TUBA1C: variants seen among roughly 807,000 people sequenced by gnomAD.
TUBA1C encodes tubulin alpha 1c, also known as tubulin alpha-1C chain.
A neutral mutation model predicts 34.9 loss-of-function variants in TUBA1C; 16 were observed. The observed-to-expected ratio is 0.46, with a 90% CI of 0.31 to 0.70. The LOEUF (loss-of-function observed/expected upper bound fraction) is 0.70. Among genes scored for constraint, TUBA1C ranks in the 30% least tolerant of loss-of-function variants. TUBA1C has a pLI of 0.05. For synonymous variants in TUBA1C, 177 were observed against 215.9 expected (o/e 0.82, Z 1.58); for missense variants, 329 against 587.3 (o/e 0.56, Z 4.55).
rs746160783 is a variant in TUBA1C, at chr12:49,273,200, C to T, written c.1323C>T (p.Asp441=). The change falls in exon 4 of 4, where the codon GAC becomes GAT. Residue 441 remains aspartate, a synonymous_variant. Transcript: ENST00000301072. ...AGGAGGTTGGAGCAGATAGTGCTGA[C>T]GGAGAGGATGAGGGTGAAGAGTATT... is the stretch of plus-strand genomic sequence containing the variant. The part of the protein sequence containing the change: ...DYEEVGADSA[D]GEDEGEEY The T allele has an allele frequency of 3.0e-5, 48 of 1,614,062 alleles. No homozygotes were observed. Among genetic ancestry groups the T allele is most frequent in the African/African-American group, 5.3e-5 (4 of 74,918 alleles).
intron 1 of TUBA1C, among the ~76,000 whole-genome samples, chr12:49,251,280 T>A (rs921753518): frequency 2.6e-5 from 4 of 152,172 alleles, no homozygotes; most frequent in African/African-American, 7.2e-5. Context: ...GTAAATTCCA[T>A]TAAATATTTA....
rs141934576 is a variant in TUBA1C, at chr12:49,237,096, A to G, written c.213+8930A>G. On this transcript the variant is annotated intron_variant, in intron 1 of 3. Transcript: ENST00000541364. ...ATATGGGTGCTTGAAGAAGATACTCAGACAACTAACAAAACGAGATGAGAA... is the reference window on the plus strand; with the variant it reads ...ATATGGGTGCTTGAAGAAGATACTCGGACAACTAACAAAACGAGATGAGAA... Among the ~76,000 whole-genome samples the G allele has an allele frequency of 4.8e-3, 738 of 152,314 alleles. 3 individuals carry two copies. Among genetic ancestry groups the G allele is most frequent in the African/African-American group, 0.017 (707 of 41,580 alleles).
At chr12:49,265,213 A>G (rs1942889357) in intron 1 of TUBA1C, 29 bp downstream of exon 1, 1 of 1,583,464 alleles carries the variant, frequency 6.3e-7, no homozygotes, top group Non-Finnish European at 8.6e-7. Flanking sequence ...GGGCTGGGGA[A>G]GAGTGCGCGT....
At chr12:49,246,822 G>C (rs569491595) in intron 1 of TUBA1C, among the ~76,000 whole-genome samples, 1 of 151,964 alleles carries the variant, frequency 6.6e-6, no homozygotes, top group Non-Finnish European at 1.5e-5. Flanking sequence ...TCAGACACAG[G>C]GGGCAACCCC....
intron 1 of TUBA1C, among the ~76,000 whole-genome samples, chr12:49,228,947 G>A (rs188005792): frequency 1.7e-4 from 26 of 152,236 alleles, no homozygotes; most frequent in African/African-American, 2.6e-4. Context: ...AAAGGCAGTC[G>A]GGCCTTGAAC....
intron 1 of TUBA1C, among the ~76,000 whole-genome samples, chr12:49,231,697 T>TAGACAGACAGACAGAC (rs541221185): frequency 6.6e-6 from 1 of 150,408 alleles, no homozygotes; most frequent in African/African-American, 2.5e-5. Context: ...GATAGATAGA[T>TAGACAGACAGACAGAC]AGACAGACAG....
At position 49,273,407 on chromosome 12, in the gene TUBA1C, C is replaced by T. The variant is rs567484456; in HGVS notation, c.*180C>T. 2.1e-5 allele frequency: 24 copies of T among 1,133,436 alleles called. No homozygotes were observed. The African/African-American group carries it at 2.9e-4, about 14-fold the overall frequency. 70.2% of individuals were successfully genotyped at this position (1,133,436 alleles called of 1,614,324 possible). The stretch of plus-strand genomic sequence containing the variant: ...GGCTGGTAGATGAAACCACCTGAGT[C>T]GAGGGTCTTGCTCTGTCACCCAGGC... On this transcript the variant is annotated 3_prime_UTR_variant, in exon 4 of 4. Transcript: ENST00000301072.
chr12:49,266,197 T>C (rs1942908926), intron 1 of TUBA1C, among the ~76,000 whole-genome samples: 1 of 142,936 alleles, frequency 7.0e-6, no homozygotes, highest in African/African-American at 2.6e-5. Flanking sequence ...AGGCTGAGGC[T>C]GGTGGATCAC....
intron 1 of TUBA1C, among the ~76,000 whole-genome samples, chr12:49,245,003 C>A (rs543011767): frequency 3.3e-5 from 5 of 152,124 alleles, no homozygotes; most frequent in Non-Finnish European, 7.4e-5. Flanking sequence ...ATCAAGTACA[C>A]AGTGACTAAG....
At chr12:49,234,252 A>C (rs1302754374) in intron 1 of TUBA1C, 2 of 152,194 alleles carry the variant, frequency 1.3e-5, no homozygotes, top group African/African-American at 2.4e-5. Context: ...ATATGTTGTA[A>C]ATCCCATTAA....
intron 1 of TUBA1C, among the ~76,000 whole-genome samples, chr12:49,258,789 T>C (rs1223796121): frequency 6.9e-6 from 1 of 145,154 alleles, no homozygotes; most frequent in Non-Finnish European, 1.5e-5. Flanking sequence ...GGAGTTTTGC[T>C]CTTGGTGCCC....
At chr12:49,246,443 G>T (rs1942668273) in intron 1 of TUBA1C, among the ~76,000 whole-genome samples, 1 of 151,682 alleles carries the variant, frequency 6.6e-6, no homozygotes, top group Non-Finnish European at 1.5e-5. Context: ...ACTTTGGGAG[G>T]CCGAGGCGGG....
At chr12:49,255,722 C>T (rs952354495) in intron 1 of TUBA1C, among the ~76,000 whole-genome samples, 15 of 152,242 alleles carry the variant, frequency 9.9e-5, no homozygotes, top group Admixed American at 7.9e-4. Flanking sequence ...TCTGCCACCA[C>T]GCCTGGCTAA....
chr12:49,247,940 T>G (rs1592277497), intron 1 of TUBA1C, among the ~76,000 whole-genome samples: 2 of 109,594 alleles, frequency 1.8e-5, no homozygotes, highest in South Asian at 3.5e-4. Flanking sequence ...AGAACGAGAT[T>G]CCGTCTCAAA....
At chr12:49,244,793 T>G (rs1023080796) in intron 1 of TUBA1C, among the ~76,000 whole-genome samples, 36 of 152,148 alleles carry the variant, frequency 2.4e-4, no homozygotes, top group African/African-American at 8.4e-4. Flanking sequence ...AAAATGAGAT[T>G]GAAGGCCATC....
chr12:49,258,760 A>T (rs1057371724), intron 1 of TUBA1C, among the ~76,000 whole-genome samples: 5 of 135,600 alleles, frequency 3.7e-5, no homozygotes, highest in South Asian at 2.3e-4. Flanking sequence ...CAAAAATGAA[A>T]TTTTTTTTTT....
Position 49,270,272 on chromosome 12 carries a change from C to T in TUBA1C, c.375+296C>T. 9 of 514,658 alleles carry T rather than the reference C, an allele frequency of 1.7e-5. No homozygotes were observed. In the South Asian group the frequency reaches 1.8e-4, roughly 10 times the overall value. The allele number at this position is 514,658 out of a possible 1,614,324, so 31.9% of individuals were successfully genotyped here. Reference sequence around the variant, plus strand: ...TGACTTCTACATGTAACTAATTGATCAGAGTCATTTTTTAAAAATCTGGGA... The same window carrying T: ...TGACTTCTACATGTAACTAATTGATTAGAGTCATTTTTTAAAAATCTGGGA... On this transcript the variant is annotated intron_variant, in intron 3 of 3. Transcript: ENST00000301072.
Position 49,273,095 on chromosome 12 carries a change from C to G in TUBA1C, c.1218C>G (p.His406Gln). Residue 406 changes from histidine to glutamine, a missense_variant, in exon 4 of 4, where the codon CAC becomes CAG. Physicochemically the swap from His to Gln is conservative, Grantham distance 24. Transcript: ENST00000301072. ...TGTATGCCAAGCGTGCCTTTGTTCA[C>G]TGGTACGTGGGTGAGGGGATGGAGG... ...DLMYAKRAFV[H>Q]WYVGEGMEEG... The G allele has an allele frequency of 6.2e-7, 1 of 1,614,186 alleles. No individual in the cohort carries two copies. Among genetic ancestry groups the G allele is most frequent in the Non-Finnish European group, 8.5e-7 (1 of 1,180,036 alleles).
chr12:49,249,699 A>G (rs898376859), intron 1 of TUBA1C, among the ~76,000 whole-genome samples: 1 of 151,576 alleles, frequency 6.6e-6, no homozygotes, highest in Non-Finnish European at 1.5e-5. Context: ...TCTCTTCCAA[A>G]TAAATACAAA....
Sources: allele counts gnomAD v4.1 joint callset (sites outside exome capture counted in the v4.1 genomes callset), GRCh38; gene constraint gnomAD v4.1.1; transcripts MANE v1.5; gene names NCBI Gene and HGNC (gene_info 2026-07-23, HGNC 2026-07-21).